The following PAPLN variants were observed in gnomAD, a reference collection of about 807,000 sequenced individuals.
PAPLN encodes the protein papilin.
PAPLN carries 146 observed loss-of-function variants against 159.0 expected under a neutral mutation model. The ratio of observed to expected loss-of-function variants is 0.92; its 90% CI spans 0.80 to 1.05. The LOEUF is 1.05. Among genes scored for constraint, PAPLN ranks in the 50% least tolerant of loss-of-function variants. PAPLN has a pLI of 0.00. For synonymous variants in PAPLN, 734 were observed against 702.9 expected (o/e 1.04, Z -0.70); for missense variants, 1,720 against 1,743.9 (o/e 0.99, Z 0.24).
chr14:73,251,054 C>T lies in PAPLN; in HGVS notation c.589+24C>T, dbSNP rs2140233371. 2.5e-6 allele frequency: 4 copies of T among 1,598,826 alleles called. No homozygotes were observed. The Middle Eastern group carries it at 5.0e-4, about 200-fold the overall frequency. On this transcript the variant is annotated intron_variant, in intron 7 of 26. Transcript: ENST00000644200. ...AGGTGGGGGTGGTTCCGACAAGGGG[C>T]AGTTGCCTGCCCCCTTCCTTGCCTG...
intron 5 of PAPLN, among the ~76,000 whole-genome samples, chr14:73,249,589 G>A (rs144451138): frequency 0.015 from 2,254 of 147,798 alleles, 47 homozygotes; most frequent in African/African-American, 0.051. Flanking sequence ...CAGGAGAATT[G>A]CTTAAACTAG....
chr14:73,258,618 TAAAAAAAA>T (rs57126237), intron 14 of PAPLN, among the ~76,000 whole-genome samples: 1 of 75,788 alleles, frequency 1.3e-5, no homozygotes, highest in African/African-American at 5.3e-5. Context: ...ACCCTATCTC[TAAAAAAAA>T]AAAAAAAAAA....
chr14:73,257,745 TCTTTC>T (rs1158546422), intron 14 of PAPLN, among the ~76,000 whole-genome samples: 1 of 141,788 alleles, frequency 7.1e-6, no homozygotes, highest in Non-Finnish European at 1.5e-5. Flanking sequence ...TTATCTAGTC[TCTTTC>T]TTCTTTTTTT....
At chr14:73,241,903 CAG>C (rs1225598533) in intron 2 of PAPLN, among the ~76,000 whole-genome samples, 3 of 152,248 alleles carry the variant, frequency 2.0e-5, no homozygotes, top group Non-Finnish European at 2.9e-5. Flanking sequence ...CCCCTGGAAA[CAG>C]TGCAGCAGGA....
At chr14:73,252,863 G>A in intron 11 of PAPLN, 88 bp downstream of exon 11, 1 of 1,559,212 alleles carries the variant, frequency 6.4e-7, no homozygotes, top group Non-Finnish European at 8.7e-7. Context: ...TTTAGGTGTA[G>A]AACAAAGAGG....
In PAPLN at chr14:73,263,712, T is replaced by C; in HGVS notation, c.2791T>C (p.Cys931Arg). The C allele has an allele frequency of 6.2e-7, 1 of 1,612,560 alleles. No individual in the cohort carries two copies. The highest frequency in any genetic ancestry group is 8.5e-7 in the Non-Finnish European group (1 of 1,179,948). ...CCTGGGGCAGTTGGTGCGGCTCTCC[T>C]GCTCAGACGACACTGCCCCGGAATC... ...AALGQLVRLS[C>R]SDDTAPESQA... Residue 931 changes from cysteine (C) to arginine (R), a missense_variant, in exon 20 of 27, where the codon TGC becomes CGC. Transcript: ENST00000644200.
chr14:73,247,613 C>A lies in PAPLN; in HGVS notation c.334+1438C>A, dbSNP rs177403. On this transcript the variant is annotated intron_variant, in intron 5 of 26. Transcript: ENST00000644200. Reference sequence around the variant, plus strand: ...GCGTGTGTGTGTGTGTTGTGCCGATCGTGGCAGTGGGTGTGGCCCAGTGGG... The same window carrying A: ...GCGTGTGTGTGTGTGTTGTGCCGATAGTGGCAGTGGGTGTGGCCCAGTGGG... Among the ~76,000 whole-genome samples, 172 of 108,810 alleles carry A rather than the reference C, an allele frequency of 1.6e-3. 1 individual carries two copies. The highest frequency in any genetic ancestry group is 6.1e-3 in the African/African-American group (158 of 26,066). 71.4% of individuals were successfully genotyped at this position (108,810 alleles called of 152,430 possible).
At chr14:73,261,496 T>C (rs1039651091) in intron 18 of PAPLN, among the ~76,000 whole-genome samples, 6 of 152,244 alleles carry the variant, frequency 3.9e-5, no homozygotes, top group African/African-American at 1.4e-4. Flanking sequence ...CCTGTGGCCT[T>C]CTGGCTGCTT....
intron 26 of PAPLN, chr14:73,272,206 T>C (rs1594842488): frequency 3.4e-6 from 1 of 291,918 alleles, no homozygotes; most frequent in East Asian, 5.8e-5. Context: ...TGTTTAATTA[T>C]CCAGTCAATA....
intron 12 of PAPLN, 117 bp downstream of exon 12, chr14:73,254,078 G>A: frequency 1.0e-5 from 12 of 1,187,034 alleles, no homozygotes; most frequent in Non-Finnish European, 1.4e-5. Flanking sequence ...AACCGGTCAG[G>A]TCATCTTGGA....
chr14:73,242,324 C>T (rs558073947), intron 2 of PAPLN, among the ~76,000 whole-genome samples: 52 of 152,324 alleles, frequency 3.4e-4, no homozygotes, highest in African/African-American at 1.2e-3. Flanking sequence ...GCTGTGGCTC[C>T]ATGGCAGGGG....
chr14:73,254,712 C>G lies in PAPLN; in HGVS notation c.1485+17C>G, dbSNP rs746530873. On this transcript the variant is annotated intron_variant, in intron 13 of 26. Coordinates refer to ENST00000644200, the MANE Select transcript of PAPLN (RefSeq NM_001365906.3). The stretch of plus-strand genomic sequence containing the variant: ...TGGGGTCTAGTGAGTGCTCTCCACC[C>G]CCACACCTGCTGCCTGACCCTGGTC... 20 of 1,609,756 alleles carry G rather than the reference C, an allele frequency of 1.2e-5. No individual in the cohort carries two copies. Among genetic ancestry groups the G allele is most frequent in the Admixed American group, 8.4e-5 (5 of 59,754 alleles).
In PAPLN at chr14:73,274,198, G is replaced by A. The variant is rs1359147271; in HGVS notation, c.*1534G>A. 4 of 152,244 alleles carry A rather than the reference G, an allele frequency of 2.6e-5. No homozygotes were observed. Among genetic ancestry groups the A allele is most frequent in the Non-Finnish European group, 5.9e-5 (4 of 68,054 alleles). The allele number at this position is 152,244 out of a possible 1,614,324, so 9.4% of individuals were successfully genotyped here. A position where few individuals can be genotyped will look rare whatever the true frequency, so the allele number is the denominator to read the frequency against. On this transcript the variant is annotated 3_prime_UTR_variant, in exon 27 of 27. Transcript: ENST00000644200. ...TGGGCAATGCAGTAACAGGGAAATGGCTTCAGAAATGGTTTGAGTTGGAAG... is the reference window on the plus strand; with the variant it reads ...TGGGCAATGCAGTAACAGGGAAATGACTTCAGAAATGGTTTGAGTTGGAAG...
chr14:73,244,055 A>G lies in PAPLN; in HGVS notation c.55-589A>G, dbSNP rs1179352849. 45 of 154,254 alleles carry G rather than the reference A, an allele frequency of 2.9e-4. 1 individual carries two copies. The highest frequency in any genetic ancestry group is 2.9e-3 in the Admixed American group (45 of 15,748). The allele number at this position is 154,254 out of a possible 1,614,324, so 9.6% of individuals were successfully genotyped here. On this transcript the variant is annotated intron_variant, in intron 2 of 26. Coordinates refer to ENST00000644200, the MANE Select transcript of PAPLN (RefSeq NM_001365906.3). Reference sequence around the variant, plus strand: ...AGATTATTTGCGGCAGCTGCCCAACACTTGTATTTACATCTCACTGATGAG... The same window carrying G: ...AGATTATTTGCGGCAGCTGCCCAACGCTTGTATTTACATCTCACTGATGAG...
chr14:73,244,313 A>G (rs922933531), intron 2 of PAPLN: 1 of 226,274 alleles, frequency 4.4e-6, no homozygotes, highest in African/African-American at 2.3e-5. Flanking sequence ...CATCACGGTT[A>G]ACCTACAAAT....
At chr14:73,264,057 GC>G (rs753795053) in intron 20 of PAPLN, 153 bp from the exon 21 acceptor site, 91 of 1,541,242 alleles carry the variant, frequency 5.9e-5, no homozygotes, top group Non-Finnish European at 7.6e-5. Flanking sequence ...GTGTGTGACA[GC>G]CTCCCCTGAA....
intron 2 of PAPLN, 31 bp from the exon 3 acceptor site, chr14:73,244,613 C>A: frequency 6.6e-7 from 1 of 1,526,110 alleles, no homozygotes; most frequent in Non-Finnish European, 8.9e-7. Context: ...TGTGAGTGGG[C>A]AATGCTGATG....
Position 73,252,700 on chromosome 14 carries a change from A to G in PAPLN, c.1019A>G (p.Asp340Gly). The G allele has an allele frequency of 6.2e-7, 1 of 1,613,418 alleles. No homozygotes were observed. Among genetic ancestry groups the G allele is most frequent in the Non-Finnish European group, 8.5e-7 (1 of 1,179,962 alleles). The change falls in exon 11 of 27, where the codon GAC becomes GGC. Residue 340 changes from aspartate (D) to glycine (G), a missense_variant. Coordinates refer to ENST00000644200, the MANE Select transcript of PAPLN (RefSeq NM_001365906.3). Reference protein sequence around the residue: ...FCTIDHEAYPDHMCQRQPRPA... With the variant: ...FCTIDHEAYPGHMCQRQPRPA... ...ACCATCGACCATGAGGCCTACCCCGACCACATGTGCCAGCGCCAGCCACGG... is the reference window on the plus strand; with the variant it reads ...ACCATCGACCATGAGGCCTACCCCGGCCACATGTGCCAGCGCCAGCCACGG...
At chr14:73,249,524 CTT>C (rs1455754337) in intron 5 of PAPLN, among the ~76,000 whole-genome samples, 1 of 151,930 alleles carries the variant, frequency 6.6e-6, no homozygotes, top group Non-Finnish European at 1.5e-5. Flanking sequence ...AAGTACAAAA[CTT>C]AGCCGGGTGT....
Sources: gnomAD v4.1 joint callset for allele counts (sites outside exome capture counted in the v4.1 genomes callset) on GRCh38, gnomAD v4.1.1 for gene constraint, MANE v1.5 for transcripts, NCBI Gene and HGNC (gene_info 2026-07-23, HGNC 2026-07-21) for gene names.